Variants in VPS11 observed in about 807,000 individuals in gnomAD.
The protein encoded by VPS11 is VPS11 core subunit of CORVET and HOPS complexes, also known as vacuolar protein sorting-associated protein 11 homolog.
In VPS11, 51 loss-of-function variants were observed where a neutral mutation model predicts 106.8. That is an observed-to-expected ratio of 0.48 (90% CI 0.38 to 0.60). The LOEUF (loss-of-function observed/expected upper bound fraction) is 0.60. Ranked by LOEUF, VPS11 falls within the 20% of genes least tolerant of loss-of-function variation. The pLI, the probability that VPS11 is intolerant of heterozygous loss-of-function variation, is 0.00. For missense variants in VPS11, 950 were observed against 1,190.0 expected (o/e 0.80, Z 2.97); for synonymous variants, 453 against 458.7 (o/e 0.99, Z 0.16).
chr11:119,072,066 A>G, intron 5 of VPS11: 1 of 480,328 alleles, frequency 2.1e-6, no homozygotes, highest in Non-Finnish European at 3.7e-6. Flanking sequence ...CCTGGGTTCC[A>G]GTGATACTCC....
chr11:119,071,507 A>G, intron 4 of VPS11, 89 bp from the exon 5 acceptor site: 1 of 1,508,700 alleles, frequency 6.6e-7, no homozygotes, highest in South Asian at 1.3e-5. Context: ...GAGGGAAAAA[A>G]GAGCCAGTAT....
chr11:119,069,115 T>TATAC (rs1162234591), intron 1 of VPS11, 81 bp from the exon 2 acceptor site: 11 of 1,564,516 alleles, frequency 7.0e-6, no homozygotes, highest in Non-Finnish European at 9.5e-6. Flanking sequence ...TTTAGAGTTA[T>TATAC]ATACATGTAA....
rs1204551189 is a variant in VPS11 at position 119,073,413 on chromosome 11, G to A, written c.1086+14G>A. On this transcript the variant is annotated intron_variant, in intron 6 of 15. Transcript: ENST00000621676. Reference sequence around the variant, plus strand: ...ACCAAACTGGAGGCAAGGCCACCAGGCTCGCAGAGCTGGCCACAGGCACCT... The same window carrying A: ...ACCAAACTGGAGGCAAGGCCACCAGACTCGCAGAGCTGGCCACAGGCACCT... 6.2e-7 allele frequency: 1 copy of A among 1,610,352 alleles called. No homozygotes were observed. Among genetic ancestry groups the A allele is most frequent in the African/African-American group, 1.3e-5 (1 of 74,870 alleles).
At chr11:119,074,532 T>C (rs1412732961) in intron 7 of VPS11, among the ~76,000 whole-genome samples, 1 of 152,120 alleles carries the variant, frequency 6.6e-6, no homozygotes, top group Non-Finnish European at 1.5e-5. Context: ...GCCTCCCAAG[T>C]AGCTGGGATT....
intron 5 of VPS11, chr11:119,072,046 A>G: frequency 1.8e-6 from 1 of 570,344 alleles, no homozygotes; most frequent in Non-Finnish European, 2.9e-6. Context: ...GGCTCACTGC[A>G]GCCTCGCCTC....
chr11:119,079,336 G>C, intron 14 of VPS11, 36 bp downstream of exon 14: 1 of 1,545,058 alleles, frequency 6.5e-7, no homozygotes, highest in South Asian at 1.2e-5. Flanking sequence ...GAGTCCAGGG[G>C]ATAACTTGCC....
In VPS11 at chr11:119,069,209, G is replaced by T. The variant is rs782612821; in HGVS notation, c.201G>T (p.Gln67His). 1 of 1,613,850 alleles carries T rather than the reference G, an allele frequency of 6.2e-7. No individual in the cohort carries two copies. The highest frequency in any genetic ancestry group is 8.5e-7 in the Non-Finnish European group (1 of 1,179,908). The change falls in exon 2 of 16, where the codon CAG becomes CAT. Residue 67 changes from glutamine to histidine, a missense_variant. This residue lies in a region of VPS11 where 435 missense variants were observed against 630.2 expected (regional missense o/e 0.69). Coordinates refer to ENST00000621676, the MANE Select transcript of VPS11 (RefSeq NM_021729.6). ...ACTACCCTGCACATATGGAAGGCCA[G>T]ATCTGGTTCTTGCCACGTTCCCTAC... Reference protein sequence around the residue: ...GSLVFGDMEGQIWFLPRSLQL... With the variant: ...GSLVFGDMEGHIWFLPRSLQL...
In VPS11 at chr11:119,081,415, A is replaced by C. The variant is rs782498931; in HGVS notation, c.2662-44A>C. ...TCACCTCCTCATTTAAGAAACAAGC[A>C]CTTTGATTCTGATTCGTATTCCTTC... On this transcript the variant is annotated intron_variant, in intron 15 of 15. Transcript: ENST00000621676. 3.1e-6 allele frequency: 5 copies of C among 1,612,296 alleles called. No individual in the cohort carries two copies. In the African/African-American group the frequency reaches 6.7e-5, roughly 22 times the overall value.
intron 14 of VPS11, among the ~76,000 whole-genome samples, chr11:119,079,768 G>A (rs1945778952): frequency 6.6e-6 from 1 of 152,146 alleles, no homozygotes; most frequent in Non-Finnish European, 1.5e-5. Flanking sequence ...TAGAGATGGG[G>A]TTTATAATGT....
Position 119,073,796 on chromosome 11 carries a change from C to T in VPS11, c.1087-4C>T, listed in dbSNP as rs1945493488. 1.2e-5 allele frequency: 20 copies of T among 1,601,804 alleles called. No homozygotes were observed. The highest frequency in any genetic ancestry group is 1.7e-5 in the Non-Finnish European group (20 of 1,169,440). Reference sequence around the variant, plus strand: ...CCAATTTTCTAATCTCTCTTCCCTTCTAGATGCTGTTTAAGAAGAACCTAT... The same window carrying T: ...CCAATTTTCTAATCTCTCTTCCCTTTTAGATGCTGTTTAAGAAGAACCTAT... On this transcript the variant is annotated splice_polypyrimidine_tract_variant and splice_region_variant and intron_variant, in intron 6 of 15. Transcript: ENST00000621676.
In VPS11 at chr11:119,071,610, T is replaced by C. The variant is rs1470543583; in HGVS notation, c.651T>C (p.Ser217=). The stretch of plus-strand genomic sequence containing the variant: ...GCTTCTGGCAGTCCTATATAGTTTC[T>C]GGAAAAGACTACCCTCGCGTGGAGT... The part of the protein sequence containing the change: ...TTENVQSYIV[S]GKDYPRVELD... Residue 217 remains serine (S), a synonymous_variant, in exon 5 of 16, where the codon TCT becomes TCC. Transcript: ENST00000621676. 37 of 1,613,918 alleles carry C rather than the reference T, an allele frequency of 2.3e-5. 1 individual carries two copies. In the Admixed American group the frequency reaches 6.0e-4, roughly 26 times the overall value.
At position 119,073,855 on chromosome 11, in the gene VPS11, A is replaced by C; in HGVS notation, c.1142A>C (p.His381Pro). The change falls in exon 7 of 16, where the codon CAT becomes CCT. Residue 381 changes from histidine to proline, a missense_variant. Physicochemically the swap from His to Pro is moderately conservative, Grantham distance 77. Around this residue, in one of 3 missense-constraint regions of VPS11, gnomAD observed 435 missense variants for 630.2 expected, o/e 0.69. Transcript: ENST00000621676. The part of the protein sequence containing the change: ...EMAINLAKSQ[H>P]LDSDGLAQIF... ...GCGATTAACCTTGCCAAGAGCCAGC[A>C]TCTGGACAGTGATGGGCTGGCCCAG... is the stretch of plus-strand genomic sequence containing the variant. The C allele has an allele frequency of 1.9e-6, 3 of 1,613,892 alleles. No homozygotes were observed. Among genetic ancestry groups the C allele is most frequent in the Non-Finnish European group, 2.5e-6 (3 of 1,179,768 alleles).
chr11:119,071,654 G>A lies in VPS11; in HGVS notation c.695G>A (p.Gly232Asp). 6.2e-7 allele frequency: 1 copy of A among 1,614,018 alleles called. No individual in the cohort carries two copies. Among genetic ancestry groups the A allele is most frequent in the South Asian group, 1.1e-5 (1 of 91,086 alleles). Residue 232 changes from glycine to aspartate, a missense_variant, in exon 5 of 16, where the codon GGC (glycine) becomes GAC (aspartate). Transcript: ENST00000621676. Reference protein sequence around the residue: ...PRVELDTHGCGLRCSALSDPS... With the variant: ...PRVELDTHGCDLRCSALSDPS... ...GTGGAGTTGGACACCCATGGTTGTG[G>A]CCTGCGCTGCTCAGCCCTAAGTGAC...
At chr11:119,070,942 T>TTC (rs35007847) in intron 4 of VPS11, among the ~76,000 whole-genome samples, 5,498 of 141,188 alleles carry the variant, frequency 0.039, 439 homozygotes, top group African/African-American at 0.14. Flanking sequence ...TTTTTTTTTT[T>TTC]CTTTGAGACA....
intron 1 of VPS11, 129 bp from the exon 2 acceptor site, chr11:119,069,065 CTT>C: frequency 9.8e-7 from 1 of 1,018,324 alleles, no homozygotes; most frequent in African/African-American, 1.6e-5. Context: ...TGGCCTCACT[CTT>C]TTTAAGATAA....
At chr11:119,077,350 A>T in intron 8 of VPS11, 151 bp from the exon 9 acceptor site, 1 of 1,200,976 alleles carries the variant, frequency 8.3e-7, no homozygotes, top group Non-Finnish European at 1.1e-6. Context: ...GGAAAACTTT[A>T]GTCAGAAACT....
rs555181984 is a variant in VPS11, at chr11:119,077,789, C to T, written c.1573-89C>T. 17 of 1,563,772 alleles carry T rather than the reference C, an allele frequency of 1.1e-5. No homozygotes were observed. In the East Asian group the frequency reaches 1.6e-4, roughly 14 times the overall value. ...ACTCTCAACTTGGGCAGAGCCCTGT[C>T]GTTTTTGAAGACATCTCCAGAATGG... On this transcript the variant is annotated intron_variant, in intron 9 of 15. Coordinates refer to ENST00000621676, the MANE Select transcript of VPS11 (RefSeq NM_021729.6).
chr11:119,081,780 G>C lies in VPS11; in HGVS notation c.*157G>C. On this transcript the variant is annotated 3_prime_UTR_variant, in exon 16 of 16. Coordinates refer to ENST00000621676, the MANE Select transcript of VPS11 (RefSeq NM_021729.6). ...GAACTAAAGCGGACTTTCTTTCCCTGCCTTCTTATTTAGTCAGCTTGCCAT... is the reference window on the plus strand; with the variant it reads ...GAACTAAAGCGGACTTTCTTTCCCTCCCTTCTTATTTAGTCAGCTTGCCAT... 9.8e-7 allele frequency: 1 copy of C among 1,021,282 alleles called. No individual in the cohort carries two copies. The highest frequency in any genetic ancestry group is 1.7e-5 in the South Asian group (1 of 58,770). The allele number at this position is 1,021,282 out of a possible 1,614,324, so 63.3% of individuals were successfully genotyped here. A position where few individuals can be genotyped will look rare whatever the true frequency, so the allele number is the denominator to read the frequency against.
chr11:119,081,692 C>T lies in VPS11; in HGVS notation c.*69C>T, dbSNP rs1372781419. The T allele has an allele frequency of 1.6e-5, 25 of 1,559,164 alleles. No homozygotes were observed. The South Asian group carries it at 2.2e-4, about 14-fold the overall frequency. On this transcript the variant is annotated 3_prime_UTR_variant, in exon 16 of 16. Coordinates refer to ENST00000621676, the MANE Select transcript of VPS11 (RefSeq NM_021729.6). Reference sequence around the variant, plus strand: ...ACAGACACAATGGGACCTGGGCGGGCGTTACACAGAAGGCTGGCTGACATG... The same window carrying T: ...ACAGACACAATGGGACCTGGGCGGGTGTTACACAGAAGGCTGGCTGACATG...
Sources: gnomAD v4.1 joint callset for allele counts (sites outside exome capture counted in the v4.1 genomes callset) on GRCh38, gnomAD v4.1.1 for gene constraint, gnomAD v4.1.1 regional missense constraint, MANE v1.5 for transcripts, NCBI Gene and HGNC (gene_info 2026-07-23, HGNC 2026-07-21) for gene names.